The following CDC5L variants were observed in gnomAD, a reference collection of about 807,000 sequenced individuals.
The protein encoded by CDC5L is cell division cycle 5 like.
Under a neutral mutation model 104.1 loss-of-function variants are expected in CDC5L, and 18 were observed. That is an observed-to-expected ratio of 0.17 (90% CI 0.12 to 0.26). The LOEUF is 0.26. Ranked by LOEUF, CDC5L falls within the 10% of genes least tolerant of loss-of-function variation. CDC5L has a pLI of 1.00. For synonymous variants in CDC5L, 331 were observed against 322.7 expected (o/e 1.03, Z -0.28); for missense variants, 673 against 956.9 (o/e 0.70, Z 3.91).
chr6:44,443,851 C>CTTTTTTTTTTTTTGTTTTTTTTTTTTT (rs76763487), intron 14 of CDC5L, among the ~76,000 whole-genome samples: 1 of 133,820 alleles, frequency 7.5e-6, no homozygotes, highest in Non-Finnish European at 1.6e-5. Context: ...TATTTTGTTG[C>CTTTTTTTTTTTTTGTTTTTTTTTTTTT]TTTTTTTTTT....
chr6:44,414,382 CTGTGTGTGTGTGTGTG>C (rs58800666), intron 8 of CDC5L, among the ~76,000 whole-genome samples: 66 of 130,034 alleles, frequency 5.1e-4, no homozygotes, highest in African/African-American at 1.0e-3. Context: ...CTGGCCTGGC[CTGTGTGTGTGTGTGTG>C]TGTGTGTGTG....
chr6:44,414,368 G>A (rs1218480226), intron 8 of CDC5L, among the ~76,000 whole-genome samples: 3 of 150,440 alleles, frequency 2.0e-5, no homozygotes, highest in African/African-American at 7.4e-5. Flanking sequence ...GTGAGCCACT[G>A]TGCCTGGCCT....
intron 10 of CDC5L, among the ~76,000 whole-genome samples, chr6:44,423,614 A>G (rs548196851): frequency 6.6e-6 from 1 of 152,336 alleles, no homozygotes; most frequent in African/African-American, 2.4e-5. Context: ...GATGGAGACT[A>G]CAATATGAGT....
In CDC5L at chr6:44,447,682, G is replaced by C. The variant is rs1049503510; in HGVS notation, c.*971G>C. 4 of 152,190 alleles carry C rather than the reference G, an allele frequency of 2.6e-5. No individual in the cohort carries two copies. The highest frequency in any genetic ancestry group is 4.4e-5 in the Non-Finnish European group (3 of 68,024). 9.4% of individuals were successfully genotyped at this position (152,190 alleles called of 1,614,324 possible). A position where few individuals can be genotyped will look rare whatever the true frequency, so the allele number is the denominator to read the frequency against. On this transcript the variant is annotated 3_prime_UTR_variant, in exon 16 of 16. Transcript: ENST00000371477. ...TCATTCGATATTGAATGTATACCCT[G>C]TGCCAGAGTCTTAGAGAGAGAACAA...
Position 44,411,633 on chromosome 6 carries a change from A to AGTGTGTGTGTGTGTGTGT in CDC5L, c.1092+3002_1092+3003insTGTGTGTGTGTGTGTGTG, listed in dbSNP as rs780216018. On this transcript the variant is annotated intron_variant, in intron 8 of 15. Transcript: ENST00000371477. Reference sequence around the variant, plus strand: ...CAGAGAGAGAGAGAGAGAGAGAGAGAGAGAGTGTGTGTGTGTGTGTGACTA... The same window carrying AGTGTGTGTGTGTGTGTGT: ...CAGAGAGAGAGAGAGAGAGAGAGAGAGTGTGTGTGTGTGTGTGTGAGAGTGTGTGTGTGTGTGTGACTA... Among the ~76,000 whole-genome samples, 465 of 58,046 alleles carry AGTGTGTGTGTGTGTGTGT rather than the reference A, an allele frequency of 8.0e-3. 2 individuals are homozygous for AGTGTGTGTGTGTGTGTGT. Among genetic ancestry groups the AGTGTGTGTGTGTGTGTGT allele is most frequent in the Middle Eastern group, 0.026 (2 of 78 alleles). 38.1% of individuals were successfully genotyped at this position (58,046 alleles called of 152,430 possible).
At chr6:44,404,282 C>G (rs1406443890) in intron 6 of CDC5L, among the ~76,000 whole-genome samples, 2 of 151,830 alleles carry the variant, frequency 1.3e-5, no homozygotes, top group Non-Finnish European at 2.9e-5. Flanking sequence ...GTAGCTAGGC[C>G]TTCAGGTGCA....
intron 9 of CDC5L, among the ~76,000 whole-genome samples, chr6:44,420,650 G>A (rs531161892): frequency 2.4e-4 from 36 of 152,152 alleles, no homozygotes; most frequent in Non-Finnish European, 3.7e-4. Context: ...GAGCCACTGC[G>A]CCTGGCCAAA....
rs566121878 is a variant in CDC5L, at chr6:44,449,709, C to T, written c.*2998C>T. 3 of 152,162 alleles carry T rather than the reference C, an allele frequency of 2.0e-5. No homozygotes were observed. Among genetic ancestry groups the T allele is most frequent in the Admixed American group, 1.3e-4 (2 of 15,278 alleles). 9.4% of individuals were successfully genotyped at this position (152,162 alleles called of 1,614,324 possible). A position where few individuals can be genotyped will look rare whatever the true frequency, so the allele number is the denominator to read the frequency against. ...AGACATAATGCTGTCTAATAAAAAA[C>T]GACATCAAAGAAAAACTACACTACA... On this transcript the variant is annotated 3_prime_UTR_variant, in exon 16 of 16. Transcript: ENST00000371477.
At chr6:44,390,009 T>C (rs1790517634) in intron 1 of CDC5L, among the ~76,000 whole-genome samples, 1 of 152,216 alleles carries the variant, frequency 6.6e-6, no homozygotes, top group Non-Finnish European at 1.5e-5. Context: ...GATTGGGCTG[T>C]TCCCACTCCC....
intron 14 of CDC5L, among the ~76,000 whole-genome samples, chr6:44,440,493 G>T (rs141262405): frequency 0.024 from 3,685 of 151,926 alleles, 154 homozygotes; most frequent in African/African-American, 0.083. Flanking sequence ...TCTGCCCACC[G>T]TGGCCTTCCA....
intron 5 of CDC5L, 115 bp from the exon 6 acceptor site, chr6:44,403,694 A>C (rs1477337944): frequency 5.5e-6 from 4 of 723,934 alleles, no homozygotes; most frequent in Non-Finnish European, 8.9e-6. Flanking sequence ...TGAGGTAAGG[A>C]TTTAAATAAC....
chr6:44,431,480 A>G (rs115742213), intron 14 of CDC5L, among the ~76,000 whole-genome samples: 34 of 152,324 alleles, frequency 2.2e-4, no homozygotes, highest in African/African-American at 7.9e-4. Context: ...TTGAAAAGCT[A>G]TTTGGAAAGC....
At chr6:44,428,210 T>C (rs1792513806) in intron 13 of CDC5L, among the ~76,000 whole-genome samples, 1 of 152,108 alleles carries the variant, frequency 6.6e-6, no homozygotes, top group Non-Finnish European at 1.5e-5. Flanking sequence ...TCTTTTTCTT[T>C]AATATACTTT....
chr6:44,398,744 C>T (rs1035731448), intron 5 of CDC5L, among the ~76,000 whole-genome samples: 1 of 152,074 alleles, frequency 6.6e-6, no homozygotes, highest in Non-Finnish European at 1.5e-5. Context: ...GATTGAAGTC[C>T]TTATTTCCAT....
intron 8 of CDC5L, among the ~76,000 whole-genome samples, chr6:44,411,631 A>AGTGTGTGT (rs756188413): frequency 9.7e-4 from 9 of 9,234 alleles, no homozygotes; most frequent in South Asian, 7.8e-3. Flanking sequence ...AGAGAGAGAG[A>AGTGTGTGT]GAGAGAGTGT....
chr6:44,434,838 G>T (rs529560213), intron 14 of CDC5L, among the ~76,000 whole-genome samples: 1 of 152,054 alleles, frequency 6.6e-6, no homozygotes, highest in South Asian at 2.1e-4. Context: ...GTAATGACCC[G>T]AGGAAACACT....
At chr6:44,442,086 G>A (rs1325416494) in intron 14 of CDC5L, among the ~76,000 whole-genome samples, 2 of 151,758 alleles carry the variant, frequency 1.3e-5, no homozygotes, top group African/African-American at 4.8e-5. Context: ...ACAGGCGCCC[G>A]CTACCATGCC....
chr6:44,426,485 A>G lies in CDC5L; in HGVS notation c.1654A>G (p.Asn552Asp), dbSNP rs1379545900. ...QKDLPRPSEV[N>D]ETILRPLNVE... ...TGTATTTGTTTTAAAATTTTAGGTA[A>G]ATGAAACTATTCTAAGACCCTTAAA... The change falls in exon 13 of 16, where the codon AAT becomes GAT. Residue 552 changes from asparagine to aspartate, a missense_variant. By Grantham distance (23) the Asn-to-Asp change is conservative (BLOSUM62 1). Transcript: ENST00000371477. 6.8e-7 allele frequency: 1 copy of G among 1,463,650 alleles called. No homozygotes were observed. 90.7% of individuals were successfully genotyped at this position (1,463,650 alleles called of 1,614,324 possible).
intron 8 of CDC5L, among the ~76,000 whole-genome samples, chr6:44,416,053 T>C (rs1466008994): frequency 6.6e-6 from 1 of 152,166 alleles, no homozygotes; most frequent in African/African-American, 2.4e-5. Flanking sequence ...CTGGCTGCTG[T>C]TGTGTGTAGC....
Sources: allele counts gnomAD v4.1 joint callset (sites outside exome capture counted in the v4.1 genomes callset), GRCh38; gene constraint gnomAD v4.1.1; transcripts MANE v1.5; gene names NCBI Gene and HGNC (gene_info 2026-07-23, HGNC 2026-07-21).